Variants in CTNNA3 observed in about 807,000 individuals in gnomAD.
CTNNA3 encodes catenin alpha 3.
CTNNA3 carries 76 observed loss-of-function variants against 95.7 expected under a neutral mutation model. The ratio of observed to expected loss-of-function variants is 0.79; its 90% confidence interval spans 0.66 to 0.96. The LOEUF (loss-of-function observed/expected upper bound fraction) is 0.96. Among genes scored for constraint, CTNNA3 ranks in the 40% least tolerant of loss-of-function variants. The probability of loss-of-function intolerance (pLI) is 0.00; values close to 1 mark genes in which losing one functional copy is unlikely to be tolerated. For missense variants in CTNNA3, 1,191 were observed against 1,089.8 expected, an observed-to-expected ratio of 1.09 and a Z score of -1.31; for synonymous variants, 431 against 374.4, an observed-to-expected ratio of 1.15 and a Z score of -1.74.
At chr10:67,726,432 CATAT>C (rs1554879495) in intron 1 of CTNNA3, among the ~76,000 whole-genome samples, 1 of 51,408 alleles carries the variant, frequency 1.9e-5, no homozygotes, top group South Asian at 7.1e-4. Context: ...TATATTATAT[CATAT>C]ATAATATATA....
intron 13 of CTNNA3, among the ~76,000 whole-genome samples, chr10:66,201,985 CTG>C (rs1314018267): frequency 6.6e-6 from 1 of 151,880 alleles, no homozygotes; most frequent in Non-Finnish European, 1.5e-5. Context: ...CGGGGTTTCA[CTG>C]TGTTGCCCAA....
At chr10:67,636,115 G>T (rs1839303620) in intron 2 of CTNNA3, among the ~76,000 whole-genome samples, 1 of 152,134 alleles carries the variant, frequency 6.6e-6, no homozygotes, top group Non-Finnish European at 1.5e-5. Context: ...AACAAGGGAA[G>T]TGAAAGCCTT....
intron 13 of CTNNA3, among the ~76,000 whole-genome samples, chr10:66,279,744 T>C (rs2091461195): frequency 6.6e-6 from 1 of 152,108 alleles, no homozygotes. Context: ...CACAAATCCT[T>C]ACTTCAGAGT....
chr10:67,571,770 G>T (rs532621348), intron 3 of CTNNA3, among the ~76,000 whole-genome samples: 3 of 152,156 alleles, frequency 2.0e-5, no homozygotes, highest in African/African-American at 7.2e-5. Flanking sequence ...TGGACTGTAC[G>T]GGATGGCAAA....
At chr10:65,933,508 A>T (rs1364093951) in intron 17 of CTNNA3, among the ~76,000 whole-genome samples, 1 of 152,186 alleles carries the variant, frequency 6.6e-6, no homozygotes, top group African/African-American at 2.4e-5. Context: ...CCTACTCATA[A>T]GAAATGTGTT....
intron 7 of CTNNA3, among the ~76,000 whole-genome samples, chr10:66,903,687 A>T (rs1845854353): frequency 6.6e-6 from 1 of 152,226 alleles, no homozygotes; most frequent in Non-Finnish European, 1.5e-5. Context: ...AAGTCTCAGG[A>T]TACAAAATCA....
intron 1 of CTNNA3, among the ~76,000 whole-genome samples, chr10:67,736,739 C>T (rs2133636853): frequency 1.3e-5 from 2 of 152,040 alleles, no homozygotes; most frequent in South Asian, 2.1e-4. Context: ...TGGGAGCCAC[C>T]ACACCCGGCC....
intron 5 of CTNNA3, among the ~76,000 whole-genome samples, chr10:67,364,198 C>T (rs1269217645): frequency 6.6e-6 from 1 of 152,160 alleles, no homozygotes; most frequent in Non-Finnish European, 1.5e-5. Flanking sequence ...CGTAATCCAT[C>T]ACATAAACAG....
intron 7 of CTNNA3, among the ~76,000 whole-genome samples, chr10:66,936,999 G>A (rs1466656624): frequency 6.6e-6 from 1 of 152,162 alleles, no homozygotes. Context: ...AGATTCCTCA[G>A]TATTTTTCTC....
At chr10:66,668,892 A>G (rs1044583596) in intron 9 of CTNNA3, among the ~76,000 whole-genome samples, 5 of 152,064 alleles carry the variant, frequency 3.3e-5, no homozygotes, top group African/African-American at 1.2e-4. Flanking sequence ...CAAATTAGAC[A>G]TTTTGACTAC....
chr10:66,012,496 G>A (rs2079023648), intron 15 of CTNNA3, among the ~76,000 whole-genome samples: 1 of 152,090 alleles, frequency 6.6e-6, no homozygotes, highest in African/African-American at 2.4e-5. Context: ...TCTTCAATAA[G>A]TACCATAAAC....
intron 5 of CTNNA3, among the ~76,000 whole-genome samples, chr10:67,356,568 G>A (rs1023759205): frequency 6.6e-6 from 1 of 151,988 alleles, no homozygotes; most frequent in African/African-American, 2.4e-5. Flanking sequence ...ATGGTGATCT[G>A]GACCTCTTTT....
chr10:66,333,710 T>C (rs954004136), intron 12 of CTNNA3, among the ~76,000 whole-genome samples: 7 of 151,546 alleles, frequency 4.6e-5, no homozygotes, highest in South Asian at 2.1e-4. Flanking sequence ...ATTCTGTTGA[T>C]TTGAGGTGGA....
chr10:66,203,273 G>A (rs1268140596), intron 13 of CTNNA3, among the ~76,000 whole-genome samples: 1 of 152,020 alleles, frequency 6.6e-6, no homozygotes, highest in African/African-American at 2.4e-5. Flanking sequence ...CCCATTTAGA[G>A]AACAATATAA....
intron 13 of CTNNA3, among the ~76,000 whole-genome samples, chr10:66,169,770 T>C (rs1035834059): frequency 6.6e-6 from 1 of 152,200 alleles, no homozygotes; most frequent in African/African-American, 2.4e-5. Flanking sequence ...TCCCTGATCA[T>C]TAGTGATGCT....
chr10:67,715,770 T>C (rs1029949565), intron 1 of CTNNA3, among the ~76,000 whole-genome samples: 1 of 152,150 alleles, frequency 6.6e-6, no homozygotes, highest in African/African-American at 2.4e-5. Flanking sequence ...CCATCAGATA[T>C]GGGACTAAAA....
chr10:67,068,056 C>T (rs2250623), intron 7 of CTNNA3, among the ~76,000 whole-genome samples: 152,352 of 152,354 alleles, frequency 1, 76,175 homozygotes, highest in Middle Eastern at 1. Flanking sequence ...AAATAAATGC[C>T]GGGTTCATTG....
At chr10:67,476,299 T>G (rs1480220569) in intron 5 of CTNNA3, among the ~76,000 whole-genome samples, 2 of 152,040 alleles carry the variant, frequency 1.3e-5, no homozygotes, top group African/African-American at 4.8e-5. Context: ...CCTGCTCACC[T>G]GGATTGACAG....
chr10:66,872,148 C>T (rs1001461551), intron 7 of CTNNA3, among the ~76,000 whole-genome samples: 4 of 152,312 alleles, frequency 2.6e-5, no homozygotes, highest in South Asian at 4.1e-4. Context: ...AAATCCTAAT[C>T]TTCATGATCT....
Sources: gnomAD v4.1 joint callset for allele counts (sites outside exome capture counted in the v4.1 genomes callset) on GRCh38, gnomAD v4.1.1 for gene constraint, MANE v1.5 for transcripts, NCBI Gene and HGNC (gene_info 2026-07-23, HGNC 2026-07-21) for gene names.